The following XKR4 variants were observed in gnomAD, a reference collection of about 807,000 sequenced individuals.
XKR4 encodes the protein XK related 4, also known as XK-related protein 4.
In XKR4, 12 loss-of-function variants were observed where a neutral mutation model predicts 53.9. That is an observed-to-expected ratio of 0.22 (90% CI 0.14 to 0.36). XKR4 has a LOEUF of 0.36. Among genes scored for constraint, XKR4 ranks in the 10% least tolerant of loss-of-function variants. XKR4 has a pLI of 1.00. For synonymous variants in XKR4, 354 were observed against 362.4 expected (o/e 0.98, Z 0.26); for missense variants, 799 against 859.5 (o/e 0.93, Z 0.88).
intron 2 of XKR4, among the ~76,000 whole-genome samples, chr8:55,448,266 C>G (rs754063767): frequency 6.6e-6 from 1 of 152,196 alleles, no homozygotes; most frequent in Non-Finnish European, 1.5e-5. Context: ...CTCAATAAAG[C>G]GCTCTTCTTC....
chr8:55,420,647 A>AG (rs1344253853), intron 2 of XKR4, among the ~76,000 whole-genome samples: 1 of 38,588 alleles, frequency 2.6e-5, no homozygotes, highest in Non-Finnish European at 4.8e-5. Flanking sequence ...GGGTGGGGGG[A>AG]GGGGGGAGGG....
intron 1 of XKR4, among the ~76,000 whole-genome samples, chr8:55,269,594 A>G (rs1355332015): frequency 6.6e-6 from 1 of 152,142 alleles, no homozygotes; most frequent in Non-Finnish European, 1.5e-5. Flanking sequence ...GGGAGGAGGG[A>G]TTATAAAGAG....
chr8:55,179,392 C>T (rs1037699451), intron 1 of XKR4, among the ~76,000 whole-genome samples: 4 of 152,244 alleles, frequency 2.6e-5, no homozygotes, highest in African/African-American at 9.6e-5. Flanking sequence ...TTCTAACGTT[C>T]TCAGGTTTTA....
At chr8:55,329,445 A>G (rs987918136) in intron 1 of XKR4, among the ~76,000 whole-genome samples, 4 of 152,010 alleles carry the variant, frequency 2.6e-5, no homozygotes. Context: ...AAGGCCCACA[A>G]CAATTTTTCT....
chr8:55,523,889 C>T lies in XKR4; in HGVS notation c.1615C>T (p.Pro539Ser). 3 of 1,614,194 alleles carry T rather than the reference C, an allele frequency of 1.9e-6. No individual in the cohort carries two copies. The highest frequency in any genetic ancestry group is 2.7e-5 in the African/African-American group (2 of 75,052). Reference protein sequence around the residue: ...EDPAAAFTLPPDVATSTLRSI... With the variant: ...EDPAAAFTLPSDVATSTLRSI... The stretch of plus-strand genomic sequence containing the variant: ...CCCAGCCGCTGCCTTCACTTTGCCC[C>T]CAGACGTGGCCACAAGCACCCTACG... Residue 539 changes from proline to serine, a missense_variant, in exon 3 of 3, where the codon CCA becomes TCA. Pro to Ser is a moderately conservative substitution (Grantham distance 74, BLOSUM62 -1). This residue lies in a region of XKR4 where 269 missense variants were observed against 264.4 expected (regional missense o/e 1.02). Transcript: ENST00000327381.
chr8:55,415,420 A>G (rs184389441), intron 2 of XKR4, among the ~76,000 whole-genome samples: 1 of 152,236 alleles, frequency 6.6e-6, no homozygotes, highest in Admixed American at 6.5e-5. Context: ...AGCTAAATAC[A>G]TAACAGCAAA....
chr8:55,251,055 G>A (rs909702349), intron 1 of XKR4, among the ~76,000 whole-genome samples: 3 of 152,236 alleles, frequency 2.0e-5, no homozygotes, highest in Non-Finnish European at 2.9e-5. Flanking sequence ...AGGTATAGGT[G>A]TACGTATAGA....
intron 2 of XKR4, among the ~76,000 whole-genome samples, chr8:55,475,018 A>G (rs1284474202): frequency 6.6e-6 from 1 of 152,172 alleles, no homozygotes; most frequent in Admixed American, 6.5e-5. Flanking sequence ...GAGAGACAAA[A>G]TATACTGACA....
intron 2 of XKR4, among the ~76,000 whole-genome samples, chr8:55,418,554 G>A (rs75421218): frequency 0.034 from 5,137 of 152,220 alleles, 215 homozygotes; most frequent in African/African-American, 0.1. Flanking sequence ...GTAGCCTGAG[G>A]TACTGGTCTA....
chr8:55,498,669 C>T (rs757818310), intron 2 of XKR4, among the ~76,000 whole-genome samples: 20 of 152,042 alleles, frequency 1.3e-4, no homozygotes, highest in Non-Finnish European at 2.4e-4. Flanking sequence ...GCTACTCAGG[C>T]GGCTGAGTCA....
chr8:55,279,879 G>A (rs1382773362), intron 1 of XKR4, among the ~76,000 whole-genome samples: 3 of 152,172 alleles, frequency 2.0e-5, no homozygotes, highest in African/African-American at 7.2e-5. Context: ...CTTTTTTGCA[G>A]AATAAAGCCA....
chr8:55,110,113 C>T (rs1021820348), intron 1 of XKR4, among the ~76,000 whole-genome samples: 1 of 152,128 alleles, frequency 6.6e-6, no homozygotes, highest in African/African-American at 2.4e-5. Context: ...ATTTATTATT[C>T]TTATGCATTT....
At chr8:55,250,717 T>C (rs554121721) in intron 1 of XKR4, among the ~76,000 whole-genome samples, 1 of 152,296 alleles carries the variant, frequency 6.6e-6, no homozygotes, top group Non-Finnish European at 1.5e-5. Context: ...TTATTTGAAA[T>C]GGAAAAAAAT....
chr8:55,316,380 C>A (rs1483526063), intron 1 of XKR4, among the ~76,000 whole-genome samples: 1 of 152,032 alleles, frequency 6.6e-6, no homozygotes, highest in Admixed American at 6.6e-5. Flanking sequence ...TGGTATGTAG[C>A]GAGAAAGCCA....
chr8:55,140,489 C>T (rs138704161), intron 1 of XKR4, among the ~76,000 whole-genome samples: 23 of 152,316 alleles, frequency 1.5e-4, no homozygotes, highest in African/African-American at 4.1e-4. Context: ...ATGGCTTCAG[C>T]CCAAGAGCTT....
chr8:55,479,809 T>C (rs570183536), intron 2 of XKR4, among the ~76,000 whole-genome samples: 2 of 152,216 alleles, frequency 1.3e-5, no homozygotes, highest in South Asian at 4.1e-4. Context: ...AAGAAATGGA[T>C]AAATTCCTCA....
At chr8:55,477,749 G>A (rs1254093439) in intron 2 of XKR4, among the ~76,000 whole-genome samples, 7 of 152,124 alleles carry the variant, frequency 4.6e-5, no homozygotes, top group Admixed American at 2.0e-4. Context: ...CGAGAACTAC[G>A]TGAAGAATGC....
intron 2 of XKR4, among the ~76,000 whole-genome samples, chr8:55,464,298 C>T (rs1805718000): frequency 6.6e-6 from 1 of 152,106 alleles, no homozygotes; most frequent in Admixed American, 6.5e-5. Flanking sequence ...GGGCTTCATC[C>T]CTGGGATGCA....
intron 2 of XKR4, among the ~76,000 whole-genome samples, chr8:55,515,242 G>T (rs971753572): frequency 1.3e-5 from 2 of 152,122 alleles, no homozygotes. Context: ...ACATATTAAA[G>T]CATTTAAATA....
Sources: allele counts gnomAD v4.1 joint callset (sites outside exome capture counted in the v4.1 genomes callset), GRCh38; gene constraint gnomAD v4.1.1; regional missense constraint gnomAD v4.1.1; transcripts MANE v1.5; gene names NCBI Gene and HGNC (gene_info 2026-07-23, HGNC 2026-07-21).